Variants in PLCB1 observed in about 807,000 individuals in gnomAD.
PLCB1 encodes 1-phosphatidylinositol 4,5-bisphosphate phosphodiesterase beta-1.
PLCB1 carries 46 observed loss-of-function variants against 161.8 expected under a neutral mutation model. The observed-to-expected ratio is 0.28, with a 90% confidence interval of 0.22 to 0.36. PLCB1 has a LOEUF of 0.36. PLCB1 is among the 10% of genes least tolerant of loss of function. The probability of loss-of-function intolerance (pLI) is 1.00; values close to 1 mark genes in which losing one functional copy is unlikely to be tolerated. For synonymous variants in PLCB1, 517 were observed against 503.7 expected (o/e 1.03, Z -0.35); for missense variants, 1,016 against 1,472.5 (o/e 0.69, Z 5.07).
rs567712961 is a variant in PLCB1, at chr20:8,199,929, G to A, written c.177+49558G>A. On this transcript the variant is annotated intron_variant, in intron 2 of 31. Transcript: ENST00000338037. ...GTCGATTCTACAGTGAGCATACTTA[G>A]GCACAGAGAGGTTGAATATACTGCC... Among the ~76,000 whole-genome samples, 5 of 152,186 alleles carry A rather than the reference G, an allele frequency of 3.3e-5. No individual in the cohort carries two copies. In the East Asian group the frequency reaches 9.7e-4, roughly 29 times the overall value.
At chr20:8,408,142 G>C (rs529476209) in intron 3 of PLCB1, among the ~76,000 whole-genome samples, 2 of 152,308 alleles carry the variant, frequency 1.3e-5, no homozygotes, top group African/African-American at 4.8e-5. Context: ...TCATACTAAT[G>C]TAAGATATTA....
intron 23 of PLCB1, among the ~76,000 whole-genome samples, chr20:8,756,801 A>G (rs1485356779): frequency 6.6e-6 from 1 of 152,178 alleles, no homozygotes; most frequent in African/African-American, 2.4e-5. Flanking sequence ...TCAGTGTGGA[A>G]GGGCACCACC....
intron 3 of PLCB1, among the ~76,000 whole-genome samples, chr20:8,499,285 C>T (rs2122805409): frequency 6.6e-6 from 1 of 152,296 alleles, no homozygotes; most frequent in South Asian, 2.1e-4. Flanking sequence ...TTTTTCTTCA[C>T]ATTCCCTAAT....
At chr20:8,201,441 T>G (rs1174506772) in intron 2 of PLCB1, among the ~76,000 whole-genome samples, 2 of 152,140 alleles carry the variant, frequency 1.3e-5, no homozygotes, top group African/African-American at 4.8e-5. Context: ...AAAATTTTTT[T>G]AGCAAAAACT....
intron 3 of PLCB1, among the ~76,000 whole-genome samples, chr20:8,479,365 T>C (rs1982408684): frequency 6.6e-6 from 1 of 152,218 alleles, no homozygotes; most frequent in Non-Finnish European, 1.5e-5. Context: ...ACAATATTTT[T>C]AAACCTGACA....
chr20:8,356,520 A>G (rs775767103), intron 2 of PLCB1, among the ~76,000 whole-genome samples: 1 of 152,140 alleles, frequency 6.6e-6, no homozygotes, highest in Non-Finnish European at 1.5e-5. Flanking sequence ...TATCAAATCT[A>G]CGCGGTTTCT....
At chr20:8,316,706 A>T (rs962053116) in intron 2 of PLCB1, among the ~76,000 whole-genome samples, 1 of 152,192 alleles carries the variant, frequency 6.6e-6, no homozygotes, top group Non-Finnish European at 1.5e-5. Flanking sequence ...AACTGCCATG[A>T]CAATGAAAGA....
intron 4 of PLCB1, among the ~76,000 whole-genome samples, chr20:8,639,253 G>T (rs1255083724): frequency 6.6e-6 from 1 of 152,190 alleles, no homozygotes; most frequent in East Asian, 1.9e-4. Flanking sequence ...GGAGTTACTG[G>T]GACTACGTGC....
chr20:8,776,613 A>G (rs1357207871), intron 27 of PLCB1, among the ~76,000 whole-genome samples: 1 of 152,218 alleles, frequency 6.6e-6, no homozygotes, highest in Non-Finnish European at 1.5e-5. Context: ...CACTAGAATC[A>G]ATTTTAGAGC....
rs147462077 is a variant in PLCB1 at position 8,364,406 on chromosome 20, T to A, written c.178-6976T>A. ...TATCCGCAGGCATTGGATCACCCAC[T>A]TTTTCCCCAATTTATGCTATGATAT... is the stretch of plus-strand genomic sequence containing the variant. On this transcript the variant is annotated intron_variant, in intron 2 of 31. Transcript: ENST00000338037. Among the ~76,000 whole-genome samples the A allele has an allele frequency of 1.9e-3, 286 of 152,276 alleles. 3 individuals are homozygous for A. Among genetic ancestry groups the A allele is most frequent in the African/African-American group, 6.6e-3 (274 of 41,570 alleles).
intron 9 of PLCB1, among the ~76,000 whole-genome samples, chr20:8,660,619 G>C (rs1049878985): frequency 5.3e-5 from 8 of 152,078 alleles, no homozygotes; most frequent in African/African-American, 1.9e-4. Context: ...AATTGTGATA[G>C]ATTACTGTAA....
chr20:8,754,844 A>G (rs1453360194), intron 23 of PLCB1, among the ~76,000 whole-genome samples: 2 of 152,190 alleles, frequency 1.3e-5, no homozygotes, highest in African/African-American at 2.4e-5. Context: ...GCCAAAGAAA[A>G]TGCATCCATG....
At chr20:8,416,400 C>T (rs1387128250) in intron 3 of PLCB1, among the ~76,000 whole-genome samples, 1 of 152,138 alleles carries the variant, frequency 6.6e-6, no homozygotes, top group African/African-American at 2.4e-5. Flanking sequence ...GATTTAGTTA[C>T]ATATGATCAA....
intron 3 of PLCB1, among the ~76,000 whole-genome samples, chr20:8,612,915 T>G (rs80129332): frequency 0.021 from 3,197 of 152,264 alleles, 96 homozygotes; most frequent in African/African-American, 0.068. Context: ...GGGTTCTAAC[T>G]AGATAACCAC....
intron 3 of PLCB1, among the ~76,000 whole-genome samples, chr20:8,384,689 C>T (rs1038886118): frequency 1.3e-5 from 2 of 152,080 alleles, no homozygotes; most frequent in Non-Finnish European, 2.9e-5. Context: ...AGGCTGCTGA[C>T]CCTTGGATGG....
intron 2 of PLCB1, among the ~76,000 whole-genome samples, chr20:8,339,234 T>C (rs919722935): frequency 2.6e-5 from 4 of 152,204 alleles, no homozygotes; most frequent in Admixed American, 2.6e-4. Context: ...TTTTCTGAAG[T>C]TCTGTGTCAC....
chr20:8,652,721 T>C (rs1402254302), intron 7 of PLCB1: 1 of 152,104 alleles, frequency 6.6e-6, no homozygotes, highest in Non-Finnish European at 1.5e-5. Context: ...TGAGATTTCT[T>C]TTTAAAACAT....
chr20:8,798,529 A>T (rs6118325), intron 31 of PLCB1, among the ~76,000 whole-genome samples: 137,230 of 152,108 alleles, frequency 0.9, 62,543 homozygotes, highest in Non-Finnish European at 0.96. Context: ...TAGAGTAACC[A>T]GCAGAAGCTG....
At chr20:8,762,878 A>C (rs981767196) in intron 25 of PLCB1, among the ~76,000 whole-genome samples, 4 of 152,224 alleles carry the variant, frequency 2.6e-5, no homozygotes, top group Non-Finnish European at 5.9e-5. Context: ...GTCTCTTGTT[A>C]TTCACAGCAT....
Sources: gnomAD v4.1 joint callset for allele counts (sites outside exome capture counted in the v4.1 genomes callset) on GRCh38, gnomAD v4.1.1 for gene constraint, MANE v1.5 for transcripts, NCBI Gene and HGNC (gene_info 2026-07-23, HGNC 2026-07-21) for gene names.